XRCC5: variants seen among roughly 807,000 people sequenced by gnomAD.
XRCC5 encodes X-ray repair cross complementing 5, also known as DNA repair protein Ku80.
XRCC5 carries 12 observed loss-of-function variants against 95.7 expected under a neutral mutation model. The ratio of observed to expected loss-of-function variants is 0.13; its 90% CI spans 0.08 to 0.20. The LOEUF (loss-of-function observed/expected upper bound fraction) is 0.20, where lower values mean the gene tolerates loss of function less well. Ranked by LOEUF, XRCC5 falls within the 10% of genes least tolerant of loss-of-function variation. The pLI is 1.00. For synonymous variants in XRCC5, 281 were observed against 290.3 expected, an observed-to-expected ratio of 0.97 and a Z score of 0.33; for missense variants, 595 against 873.9, an observed-to-expected ratio of 0.68 and a Z score of 4.02.
intron 12 of XRCC5, among the ~76,000 whole-genome samples, chr2:216,139,590 C>T (rs954851104): frequency 6.6e-6 from 1 of 152,186 alleles, no homozygotes; most frequent in East Asian, 1.9e-4. Flanking sequence ...GGTGGGGACA[C>T]AGCCAATTCT....
intron 18 of XRCC5, among the ~76,000 whole-genome samples, chr2:216,193,620 G>A (rs1689660055): frequency 6.6e-6 from 1 of 152,152 alleles, no homozygotes; most frequent in African/African-American, 2.4e-5. Context: ...TAGTGAAGGG[G>A]GCTTACTCAA....
Position 216,199,808 on chromosome 2 carries a change from A to ATTTTTTTTTTTTTT in XRCC5, c.2110-4513_2110-4512insTTTTTTTTTTTTTT, listed in dbSNP as rs879564899. 1.6e-5 allele frequency among the ~76,000 whole-genome samples: 2 copies of ATTTTTTTTTTTTTT among 121,890 alleles called. 1 individual carries two copies. Among genetic ancestry groups the ATTTTTTTTTTTTTT allele is most frequent in the Non-Finnish European group, 3.3e-5 (2 of 60,924 alleles). The allele number at this position is 121,890 out of a possible 152,430, so 80.0% of individuals were successfully genotyped here. On this transcript the variant is annotated intron_variant, in intron 19 of 20. Coordinates refer to ENST00000392132, the MANE Select transcript of XRCC5 (RefSeq NM_021141.4). The stretch of plus-strand genomic sequence containing the variant: ...GAGGATTTATCCCCATGGCATTGGG[A>ATTTTTTTTTTTTTT]TCTTTTTTTTTTTTTTTTTTTTTTT...
Position 216,122,856 on chromosome 2 carries a change from C to T in XRCC5, c.683+603C>T, listed in dbSNP as rs937856627. ...AAGAAAAGTGAATTCCTTGAAGTAC[C>T]GTATAACAATAAAGCAAACTGCTTT... On this transcript the variant is annotated intron_variant, in intron 6 of 20. Coordinates refer to ENST00000392132, the MANE Select transcript of XRCC5 (RefSeq NM_021141.4). 7.2e-5 allele frequency among the ~76,000 whole-genome samples: 11 copies of T among 151,980 alleles called. 1 individual carries two copies. In the South Asian group the frequency reaches 1.0e-3, roughly 14 times the overall value.
intron 15 of XRCC5, among the ~76,000 whole-genome samples, chr2:216,160,775 A>T (rs1364208726): frequency 6.6e-6 from 1 of 152,134 alleles, no homozygotes; most frequent in Non-Finnish European, 1.5e-5. Context: ...GCCGGAGTAC[A>T]GTAGTGTGAT....
At chr2:216,200,012 G>A (rs925526045) in intron 19 of XRCC5, among the ~76,000 whole-genome samples, 9 of 142,782 alleles carry the variant, frequency 6.3e-5, no homozygotes, top group African/African-American at 2.7e-4. Context: ...GATAGCAATT[G>A]GCCATTTTAC....
chr2:216,111,308 G>A (rs1313682273), intron 1 of XRCC5: 1 of 398,476 alleles, frequency 2.5e-6, no homozygotes. Context: ...GATTGCTTAA[G>A]CCAAGGAGTT....
chr2:216,120,293 G>A (rs1696781590), intron 5 of XRCC5, among the ~76,000 whole-genome samples: 1 of 152,184 alleles, frequency 6.6e-6, no homozygotes, highest in Non-Finnish European at 1.5e-5. Flanking sequence ...CATGTTAGAA[G>A]CAGACTGCAT....
intron 16 of XRCC5, among the ~76,000 whole-genome samples, chr2:216,178,921 A>G (rs1487591136): frequency 6.6e-6 from 1 of 152,256 alleles, no homozygotes; most frequent in African/African-American, 2.4e-5. Flanking sequence ...TTATTCATCC[A>G]TTCAACAATT....
At chr2:216,123,800 C>T (rs1428481301) in intron 6 of XRCC5, among the ~76,000 whole-genome samples, 1 of 151,992 alleles carries the variant, frequency 6.6e-6, no homozygotes, top group African/African-American at 2.4e-5. Flanking sequence ...AGCGAGACTC[C>T]GTCTCAAAAA....
chr2:216,172,469 C>CTTTTTTTTTTTTCTTTTTTT (rs1689184892), intron 16 of XRCC5, among the ~76,000 whole-genome samples: 1 of 107,800 alleles, frequency 9.3e-6, no homozygotes, highest in Non-Finnish European at 1.8e-5. Context: ...CTTTTCTTTT[C>CTTTTTTTTTTTTCTTTTTTT]TTTTTTTTTT....
intron 19 of XRCC5, among the ~76,000 whole-genome samples, chr2:216,200,006 G>A (rs1304437718): frequency 1.3e-5 from 2 of 151,656 alleles, no homozygotes; most frequent in Non-Finnish European, 2.9e-5. Flanking sequence ...TTCATAGATA[G>A]CAATTGGCCA....
intron 15 of XRCC5, 89 bp from the exon 16 acceptor site, chr2:216,161,890 A>T: frequency 9.5e-7 from 1 of 1,053,564 alleles, no homozygotes; most frequent in Non-Finnish European, 1.5e-6. Flanking sequence ...ATAAGAGCAC[A>T]CTTATTACAT....
intron 18 of XRCC5, 92 bp downstream of exon 18, chr2:216,192,827 C>G: frequency 1.1e-6 from 1 of 881,242 alleles, no homozygotes; most frequent in Non-Finnish European, 1.6e-6. Flanking sequence ...TAAATATAAA[C>G]TGTATTGTAT....
At chr2:216,175,821 C>G in intron 16 of XRCC5, 1 of 436,132 alleles carries the variant, frequency 2.3e-6, no homozygotes, top group Non-Finnish European at 4.4e-6. Flanking sequence ...GCTTGGGGTT[C>G]TGTCATTACC....
chr2:216,119,362 CAA>C (rs1045511195), intron 5 of XRCC5, among the ~76,000 whole-genome samples, 197 bp downstream of exon 5: 7 of 152,150 alleles, frequency 4.6e-5, no homozygotes, highest in Non-Finnish European at 8.8e-5. Context: ...GTGGTCGTGA[CAA>C]AAAGATGAAA....
At chr2:216,173,493 T>C (rs960655744) in intron 16 of XRCC5, among the ~76,000 whole-genome samples, 4 of 152,252 alleles carry the variant, frequency 2.6e-5, no homozygotes, top group African/African-American at 9.6e-5. Flanking sequence ...TTTATTCTTC[T>C]GCTAATATAT....
At chr2:216,168,370 G>A (rs1689092508) in intron 16 of XRCC5, among the ~76,000 whole-genome samples, 1 of 152,044 alleles carries the variant, frequency 6.6e-6, no homozygotes, top group African/African-American at 2.4e-5. Flanking sequence ...TTAATATAAT[G>A]AAACTCAGCA....
chr2:216,158,574 T>A (rs1200020228), intron 14 of XRCC5, among the ~76,000 whole-genome samples: 1 of 152,232 alleles, frequency 6.6e-6, no homozygotes, highest in African/African-American at 2.4e-5. Flanking sequence ...TTTTTTTCTT[T>A]CATTTTTCCA....
chr2:216,125,446 CT>C (rs1696886233), intron 6 of XRCC5, among the ~76,000 whole-genome samples: 1 of 152,160 alleles, frequency 6.6e-6, no homozygotes, highest in Non-Finnish European at 1.5e-5. Flanking sequence ...ATCCGCCTGC[CT>C]TGGCCTCCCA....
Sources: gnomAD v4.1 joint callset for allele counts (sites outside exome capture counted in the v4.1 genomes callset) on GRCh38, gnomAD v4.1.1 for gene constraint, MANE v1.5 for transcripts, NCBI Gene and HGNC (gene_info 2026-07-23, HGNC 2026-07-21) for gene names.